The following MAP3K20 variants were observed in gnomAD, a reference collection of about 807,000 sequenced individuals.
MAP3K20 encodes mitogen-activated protein kinase kinase kinase 20, also known as HCCS-4.
Under a neutral mutation model 85.7 loss-of-function variants are expected in MAP3K20, and 40 were observed. The observed-to-expected ratio is 0.47, with a 90% CI of 0.36 to 0.61. The LOEUF (loss-of-function observed/expected upper bound fraction) is 0.61. MAP3K20 is among the 20% of genes least tolerant of loss of function. The pLI is 0.00. For synonymous variants in MAP3K20, 325 were observed against 327.7 expected, an observed-to-expected ratio of 0.99 and a Z score of 0.09; for missense variants, 817 against 961.7, an observed-to-expected ratio of 0.85 and a Z score of 1.99.
chr2:173,218,924 C>T lies in MAP3K20; in HGVS notation c.987+1674C>T, dbSNP rs537034589. On this transcript the variant is annotated intron_variant, in intron 11 of 19. Transcript: ENST00000375213. ...TGAGTTTTTAACCCCACAAAACTTT[C>T]TGTGAAGGAACTGCTCTGAGGGCTA... 6.6e-5 allele frequency among the ~76,000 whole-genome samples: 10 copies of T among 152,290 alleles called. No homozygotes were observed. The South Asian group carries it at 2.1e-3, about 32-fold the overall frequency.
At chr2:173,217,872 A>G (rs1434094102) in intron 11 of MAP3K20, among the ~76,000 whole-genome samples, 1 of 152,202 alleles carries the variant, frequency 6.6e-6, no homozygotes, top group African/African-American at 2.4e-5. Flanking sequence ...GAGGAATATA[A>G]AAATTATTTT....
At chr2:173,172,993 T>C (rs935963325) in intron 3 of MAP3K20, among the ~76,000 whole-genome samples, 1 of 152,022 alleles carries the variant, frequency 6.6e-6, no homozygotes, top group Admixed American at 6.6e-5. Flanking sequence ...AGACGGGGTT[T>C]CACCATGTTG....
intron 2 of MAP3K20, among the ~76,000 whole-genome samples, chr2:173,148,176 C>A (rs188222802): frequency 2.0e-4 from 31 of 152,232 alleles, no homozygotes; most frequent in African/African-American, 7.5e-4. Flanking sequence ...CTTTATCCTC[C>A]CCTGTCCCCC....
At chr2:173,207,687 A>G (rs1344429282) in intron 9 of MAP3K20, 3 of 151,016 alleles carry the variant, frequency 2.0e-5, no homozygotes, top group Non-Finnish European at 2.9e-5. Flanking sequence ...AAATAGAGAA[A>G]TAATGTATGT....
chr2:173,163,242 C>T (rs1200471669), intron 2 of MAP3K20, among the ~76,000 whole-genome samples: 1 of 152,160 alleles, frequency 6.6e-6, no homozygotes, highest in Non-Finnish European at 1.5e-5. Flanking sequence ...AAGCATAGTA[C>T]CCTATAGGTA....
chr2:173,202,317 G>T (rs929875392), intron 8 of MAP3K20, among the ~76,000 whole-genome samples: 6 of 152,118 alleles, frequency 3.9e-5, no homozygotes, highest in Admixed American at 6.6e-5. Flanking sequence ...TTGATTTTAG[G>T]ATTATCTGTA....
At chr2:173,165,299 TC>T (rs1384874304) in intron 2 of MAP3K20, among the ~76,000 whole-genome samples, 9 of 151,926 alleles carry the variant, frequency 5.9e-5, no homozygotes, top group African/African-American at 2.2e-4. Flanking sequence ...TGCCTGTAAT[TC>T]CAGGTACTCA....
At chr2:173,140,859 G>A (rs1204430523) in intron 2 of MAP3K20, among the ~76,000 whole-genome samples, 1 of 152,078 alleles carries the variant, frequency 6.6e-6, no homozygotes, top group East Asian at 1.9e-4. Context: ...TATAAAACTG[G>A]TGAAATCTGA....
At chr2:173,185,801 T>C (rs912524863) in intron 4 of MAP3K20, among the ~76,000 whole-genome samples, 1 of 152,228 alleles carries the variant, frequency 6.6e-6, no homozygotes, top group African/African-American at 2.4e-5. Context: ...TAATCAGCAA[T>C]GCTTAAAAGG....
At chr2:173,224,028 TAGCTAGATG>T (rs1559288502) in intron 11 of MAP3K20, 1 of 983,124 alleles carries the variant, frequency 1.0e-6, no homozygotes. Flanking sequence ...TTCTGGAAGA[TAGCTAGATG>T]AAAATCTTTG....
At chr2:173,199,958 A>G (rs1428856241) in intron 8 of MAP3K20, among the ~76,000 whole-genome samples, 1 of 152,144 alleles carries the variant, frequency 6.6e-6, no homozygotes, top group East Asian at 1.9e-4. Context: ...TTTTCTCCCC[A>G]GAGATCCCAG....
intron 2 of MAP3K20, among the ~76,000 whole-genome samples, chr2:173,153,255 A>G (rs1370671877): frequency 6.6e-6 from 1 of 152,114 alleles, no homozygotes; most frequent in Non-Finnish European, 1.5e-5. Flanking sequence ...GTTAGGGCTT[A>G]TCATCTCTTT....
At chr2:173,190,561 A>C (rs1559270349) in intron 5 of MAP3K20, among the ~76,000 whole-genome samples, 2 of 152,226 alleles carry the variant, frequency 1.3e-5, no homozygotes, top group Non-Finnish European at 2.9e-5. Flanking sequence ...AAAGCTAATG[A>C]CTACCTCAGT....
At chr2:173,208,135 C>T (rs1305683909) in intron 9 of MAP3K20, among the ~76,000 whole-genome samples, 1 of 152,174 alleles carries the variant, frequency 6.6e-6, no homozygotes, top group Non-Finnish European at 1.5e-5. Context: ...CACAGTGGCT[C>T]ATGCCTGTAA....
intron 11 of MAP3K20, chr2:173,223,210 T>C (rs1436651421): frequency 2.0e-6 from 2 of 985,444 alleles, no homozygotes; most frequent in Non-Finnish European, 2.4e-6. Flanking sequence ...TACAGCAGTC[T>C]AGGTGGCATA....
chr2:173,128,475 G>A (rs796349453), intron 2 of MAP3K20, among the ~76,000 whole-genome samples: 11 of 152,104 alleles, frequency 7.2e-5, no homozygotes, highest in African/African-American at 2.7e-4. Flanking sequence ...TGGGACTACA[G>A]GCGCGCACCA....
At chr2:173,180,193 A>G (rs1284322194) in intron 3 of MAP3K20, among the ~76,000 whole-genome samples, 1 of 152,190 alleles carries the variant, frequency 6.6e-6, no homozygotes, top group Non-Finnish European at 1.5e-5. Context: ...TTGAGGACTT[A>G]GACTGCCTCA....
At chr2:173,256,736 A>G (rs1160914731) in intron 16 of MAP3K20, among the ~76,000 whole-genome samples, 2 of 152,196 alleles carry the variant, frequency 1.3e-5, no homozygotes, top group African/African-American at 2.4e-5. Context: ...GGCTTATCAC[A>G]TATACTTGGC....
Position 173,258,685 on chromosome 2 carries a change from GTTT to G in MAP3K20, c.1360-11_1360-9del, listed in dbSNP as rs746923086. Reference sequence around the variant, plus strand: ...TCACTTTCTCAAATTCTGTAATTTTGTTTTTAATTCCAGGATTGTAAGTGGAAA... The same window carrying G: ...TCACTTTCTCAAATTCTGTAATTTTGTTAATTCCAGGATTGTAAGTGGAAA... On this transcript the variant is annotated splice_polypyrimidine_tract_variant and intron_variant, in intron 16 of 19. Coordinates refer to ENST00000375213, the MANE Select transcript of MAP3K20 (RefSeq NM_016653.3). 37 of 1,343,986 alleles carry G rather than the reference GTTT, an allele frequency of 2.8e-5. 1 individual carries two copies. The highest frequency in any genetic ancestry group is 2.7e-4 in the South Asian group (21 of 77,566). The allele number at this position is 1,343,986 out of a possible 1,614,324, so 83.3% of individuals were successfully genotyped here. A position where few individuals can be genotyped will look rare whatever the true frequency, so the allele number is the denominator to read the frequency against.
Sources: allele counts gnomAD v4.1 joint callset (sites outside exome capture counted in the v4.1 genomes callset), GRCh38; gene constraint gnomAD v4.1.1; transcripts MANE v1.5; gene names NCBI Gene and HGNC (gene_info 2026-07-23, HGNC 2026-07-21).